The following CENPF variants were observed in gnomAD, a reference collection of about 807,000 sequenced individuals.
The protein encoded by CENPF is centromere protein F.
A neutral mutation model predicts 307.3 loss-of-function variants in CENPF; 214 were observed. The ratio of observed to expected loss-of-function variants is 0.70; its 90% CI spans 0.62 to 0.78. The LOEUF (loss-of-function observed/expected upper bound fraction) is 0.78, where lower values mean the gene tolerates loss of function less well. Ranked by LOEUF, CENPF falls within the 30% of genes least tolerant of loss-of-function variation. CENPF has a pLI of 0.00. For synonymous variants in CENPF, 1,259 were observed against 1,270.6 expected (o/e 0.99, Z 0.19); for missense variants, 3,401 against 3,483.9 (o/e 0.98, Z 0.60).
In CENPF at chr1:214,652,068, A is replaced by ATTTTTT. The variant is rs35011701; in HGVS notation, c.8160+195_8160+200dup. 3.9e-3 allele frequency among the ~76,000 whole-genome samples: 495 copies of ATTTTTT among 127,048 alleles called. 17 individuals are homozygous for ATTTTTT. The highest frequency in any genetic ancestry group is 0.014 in the African/African-American group (482 of 33,278). The allele number at this position is 127,048 out of a possible 152,430, so 83.3% of individuals were successfully genotyped here. A position where few individuals can be genotyped will look rare whatever the true frequency, so the allele number is the denominator to read the frequency against. On this transcript the variant is annotated intron_variant, in intron 15 of 19. Transcript: ENST00000366955. Reference sequence around the variant, plus strand: ...GGTCCCTCTCTTATTTTATCAGTTGATTTTTTTTTTTTTTTTTTGAGATGG... The same window carrying ATTTTTT: ...GGTCCCTCTCTTATTTTATCAGTTGATTTTTTTTTTTTTTTTTTTTTTTTGAGATGG...
At chr1:214,653,420 A>G (rs1658544078) in intron 16 of CENPF, 1 of 160,282 alleles carries the variant, frequency 6.2e-6, no homozygotes, top group Non-Finnish European at 1.4e-5. Flanking sequence ...TTGGTCAGGC[A>G]GACGTGTGGA....
rs1658293162 is a variant in CENPF, at chr1:214,646,142, T to C, written c.6572T>C (p.Ile2191Thr). The change falls in exon 13 of 20, where the codon ATA becomes ACA. Residue 2191 changes from isoleucine (I) to threonine (T), a missense_variant. Transcript: ENST00000366955. Reference sequence around the variant, plus strand: ...GAAGTAGAGACTCTAAAAACACAAATAGAAGAGATGGCCAGAAGCCTGAAA... The same window carrying C: ...GAAGTAGAGACTCTAAAAACACAAACAGAAGAGATGGCCAGAAGCCTGAAA... ...KAEVETLKTQ[I>T]EEMARSLKVF... is the part of the protein sequence containing the mutation. The C allele has an allele frequency of 1.2e-6, 2 of 1,613,782 alleles. No homozygotes were observed. The highest frequency in any genetic ancestry group is 2.2e-5 in the South Asian group (2 of 91,072).
At chr1:214,648,574 T>C in intron 13 of CENPF, 101 bp from the exon 14 acceptor site, 1 of 1,342,548 alleles carries the variant, frequency 7.4e-7, no homozygotes, top group Non-Finnish European at 1.1e-6. Flanking sequence ...ATTTTATGAT[T>C]GAAGGCTAAA....
At position 214,641,626 on chromosome 1, in the gene CENPF, T is replaced by C. The variant is rs752613202; in HGVS notation, c.3288T>C (p.Asn1096=). The C allele has an allele frequency of 6.4e-7, 1 of 1,562,656 alleles. No individual in the cohort carries two copies. The highest frequency in any genetic ancestry group is 8.6e-7 in the Non-Finnish European group (1 of 1,159,548). The change falls in exon 12 of 20, where the codon AAT becomes AAC. Residue 1096 remains asparagine (N), a synonymous_variant. Coordinates refer to ENST00000366955, the MANE Select transcript of CENPF (RefSeq NM_016343.4). ...LTKLAFAEER[N]QNLMLELETV... is the part of the protein sequence containing the mutation. ...AATTAGCATTTGCTGAAGAAAGAAA[T>C]CAGAATCTGATGCTAGAGTTGGAGA... is the stretch of plus-strand genomic sequence containing the variant.
Position 214,655,253 on chromosome 1 carries a change from A to C in CENPF, c.8335A>C (p.Lys2779Gln). 6.3e-7 allele frequency: 1 copy of C among 1,592,898 alleles called. No homozygotes were observed. Residue 2779 changes from lysine to glutamine, a missense_variant, in exon 17 of 20, where the codon AAA becomes CAA. Lys to Gln is a moderately conservative substitution (Grantham distance 53, BLOSUM62 1). Coordinates refer to ENST00000366955, the MANE Select transcript of CENPF (RefSeq NM_016343.4). ...ELKKTKMDNLKYVNQLKKENE... is the reference protein window; with the variant it reads ...ELKKTKMDNLQYVNQLKKENE... ...TTTTATTTTGTAGATGGACAATCTA[A>C]AATATGTAAATCAGTTGAAGAAGGA...
chr1:214,648,846 A>G lies in CENPF; in HGVS notation c.7983+19A>G, dbSNP rs757972441. 5.0e-6 allele frequency: 8 copies of G among 1,611,214 alleles called. No homozygotes were observed. In the South Asian group the frequency reaches 7.7e-5, roughly 16 times the overall value. On this transcript the variant is annotated intron_variant, in intron 14 of 19. Transcript: ENST00000366955. ...CAGCAAAGTAAGTTTCTTTGTGACA[A>G]GTGTTATTATGATCTGTTAATTCAT...
At chr1:214,660,542 G>A (rs1368834380) in intron 19 of CENPF, among the ~76,000 whole-genome samples, 3 of 152,204 alleles carry the variant, frequency 2.0e-5, no homozygotes, top group Admixed American at 2.0e-4. Flanking sequence ...CTTGTCCAAA[G>A]CTGTCAACTA....
chr1:214,642,074 G>A lies in CENPF; in HGVS notation c.3736G>A (p.Glu1246Lys). 1 of 1,610,934 alleles carries A rather than the reference G, an allele frequency of 6.2e-7. No homozygotes were observed. Among genetic ancestry groups the A allele is most frequent in the Non-Finnish European group, 8.5e-7 (1 of 1,179,140 alleles). Residue 1246 changes from glutamate to lysine, a missense_variant, in exon 12 of 20, where the codon GAA (glutamate) becomes AAA (lysine). Coordinates refer to ENST00000366955, the MANE Select transcript of CENPF (RefSeq NM_016343.4). ...ATTACAGACAATTAGAGGAGATCTT[G>A]AAACCAGCAATTTGCAAGACATGCA... ...HELQTIRGDLETSNLQDMQSQ... is the reference protein window; with the variant it reads ...HELQTIRGDLKTSNLQDMQSQ...
At chr1:214,651,914 G>A (rs772798614) in intron 15 of CENPF, 28 bp downstream of exon 15, 110 of 1,554,782 alleles carry the variant, frequency 7.1e-5, no homozygotes, top group Non-Finnish European at 8.7e-5. Context: ...GTTACTGGGG[G>A]AGCTGGAGAG....
chr1:214,616,934 ACCCT>A (rs199963832), intron 3 of CENPF, among the ~76,000 whole-genome samples: 31 of 43,748 alleles, frequency 7.1e-4, no homozygotes, highest in African/African-American at 1.6e-3. Context: ...CTTTCTTTCC[ACCCT>A]CCCTCCCTCC....
chr1:214,628,172 T>G (rs1412777143), intron 7 of CENPF, among the ~76,000 whole-genome samples: 3 of 152,236 alleles, frequency 2.0e-5, no homozygotes, highest in African/African-American at 7.2e-5. Flanking sequence ...GGTCATATAC[T>G]CTTATATGAA....
chr1:214,621,984 A>G (rs1291936047), intron 6 of CENPF, 95 bp from the exon 7 acceptor site: 1 of 1,013,930 alleles, frequency 9.9e-7, no homozygotes, highest in East Asian at 2.6e-5. Flanking sequence ...TTGTTTCGTC[A>G]AAGATTTCAG....
chr1:214,650,342 T>G (rs1571723524), intron 14 of CENPF, among the ~76,000 whole-genome samples: 2 of 111,302 alleles, frequency 1.8e-5, no homozygotes, highest in South Asian at 2.7e-4. Flanking sequence ...ATTGGAGGGG[T>G]AGGAAGGGTA....
Position 214,650,389 on chromosome 1 carries a change from A to C in CENPF, c.7984-1321A>C, listed in dbSNP as rs541844702. Among the ~76,000 whole-genome samples, 10 of 152,254 alleles carry C rather than the reference A, an allele frequency of 6.6e-5. No individual in the cohort carries two copies. In the South Asian group the frequency reaches 1.2e-3, roughly 19 times the overall value. On this transcript the variant is annotated intron_variant, in intron 14 of 19. Transcript: ENST00000366955. ...GGAAAGGTTTGGGGTGGGAATATTC[A>C]CTTGGCTAGTTCAACATATAGGGAG...
At chr1:214,630,399 A>G (rs919134374) in intron 8 of CENPF, 135 bp from the exon 9 acceptor site, 8 of 1,028,260 alleles carry the variant, frequency 7.8e-6, no homozygotes, top group Admixed American at 4.5e-5. Context: ...GTTCATCGTT[A>G]AGTGGACAGT....
chr1:214,608,338 G>A, intron 1 of CENPF: 1 of 1,605,850 alleles, frequency 6.2e-7, no homozygotes, highest in Non-Finnish European at 8.5e-7. Context: ...CTGCCAGGCG[G>A]CGTCGATGTC....
intron 7 of CENPF, among the ~76,000 whole-genome samples, chr1:214,623,290 A>G (rs1420067612): frequency 6.6e-6 from 1 of 152,216 alleles, no homozygotes; most frequent in East Asian, 1.9e-4. Flanking sequence ...ACATTATTAC[A>G]AATATTTTAC....
Position 214,640,876 on chromosome 1 carries a change from C to T in CENPF, c.2538C>T (p.Asn846=), listed in dbSNP as rs750829273. 5 of 1,601,740 alleles carry T rather than the reference C, an allele frequency of 3.1e-6. No homozygotes were observed. In the South Asian group the frequency reaches 5.7e-5, roughly 18 times the overall value. ...EFSLESQKQM[N]SDLQKQCEEL... is the part of the protein sequence containing the mutation. The stretch of plus-strand genomic sequence containing the variant: ...CATTAGAGTCTCAAAAACAGATGAA[C>T]TCAGACCTGCAAAAGCAGTGTGAAG... The change falls in exon 12 of 20, where the codon AAC becomes AAT. Residue 846 remains asparagine (N), a synonymous_variant. Coordinates refer to ENST00000366955, the MANE Select transcript of CENPF (RefSeq NM_016343.4).
chr1:214,637,274 G>A (rs942714880), intron 10 of CENPF, among the ~76,000 whole-genome samples: 8 of 152,198 alleles, frequency 5.3e-5, no homozygotes, highest in Non-Finnish European at 1.0e-4. Flanking sequence ...CCCCACTGGA[G>A]GATGTCTGCC....
Sources: allele counts gnomAD v4.1 joint callset (sites outside exome capture counted in the v4.1 genomes callset), GRCh38; gene constraint gnomAD v4.1.1; transcripts MANE v1.5; gene names NCBI Gene and HGNC (gene_info 2026-07-23, HGNC 2026-07-21).